Variants in UBE2E2 observed in about 807,000 individuals in gnomAD.
The protein encoded by UBE2E2 is ubiquitin conjugating enzyme E2 E2.
In UBE2E2, 6 loss-of-function variants were observed where a neutral mutation model predicts 24.7. The ratio of observed to expected loss-of-function variants is 0.24; its 90% CI spans 0.13 to 0.48. UBE2E2 has a LOEUF of 0.48. Ranked by LOEUF, UBE2E2 falls within the 20% of genes least tolerant of loss-of-function variation. The pLI, the probability that UBE2E2 is intolerant of heterozygous loss-of-function variation, is 0.99. For synonymous variants in UBE2E2, 104 were observed against 83.6 expected (o/e 1.24, Z -1.33); for missense variants, 169 against 245.0 (o/e 0.69, Z 2.07).
chr3:23,349,576 A>G (rs1342679711), intron 3 of UBE2E2, among the ~76,000 whole-genome samples: 1 of 152,158 alleles, frequency 6.6e-6, no homozygotes, highest in Non-Finnish European at 1.5e-5. Flanking sequence ...GCACCAGGAG[A>G]TTATATCCCA....
chr3:23,520,726 T>C (rs186248176), intron 4 of UBE2E2, among the ~76,000 whole-genome samples: 1 of 152,328 alleles, frequency 6.6e-6, no homozygotes, highest in East Asian at 1.9e-4. Context: ...CACTACAGCC[T>C]CATATTCCTG....
intron 2 of UBE2E2, among the ~76,000 whole-genome samples, chr3:23,216,045 C>T (rs989172348): frequency 2.0e-5 from 3 of 152,054 alleles, no homozygotes; most frequent in Admixed American, 1.3e-4. Flanking sequence ...TTTTACAGGA[C>T]GGAAAACTGA....
At chr3:23,264,736 A>G (rs1408862739) in intron 3 of UBE2E2, among the ~76,000 whole-genome samples, 2 of 152,214 alleles carry the variant, frequency 1.3e-5, no homozygotes, top group Admixed American at 6.5e-5. Context: ...TTTTGTATAT[A>G]CTTCAGAAAT....
chr3:23,464,465 A>G (rs1238946148), intron 3 of UBE2E2, among the ~76,000 whole-genome samples: 1 of 152,158 alleles, frequency 6.6e-6, no homozygotes, highest in African/African-American at 2.4e-5. Context: ...AATACAGGAT[A>G]CTATTCTAAA....
intron 3 of UBE2E2, chr3:23,323,503 C>T (rs759573500): frequency 1.1e-5 from 5 of 435,056 alleles, no homozygotes; most frequent in Non-Finnish European, 1.8e-5. Context: ...TTGTAATTCA[C>T]AACTTTTTCA....
intron 3 of UBE2E2, among the ~76,000 whole-genome samples, chr3:23,427,963 A>G (rs1209831459): frequency 6.6e-6 from 1 of 152,256 alleles, no homozygotes; most frequent in Non-Finnish European, 1.5e-5. Context: ...TGATTTGGCT[A>G]TTAAATAGTT....
chr3:23,492,963 GATAA>G (rs1699531029), intron 3 of UBE2E2, among the ~76,000 whole-genome samples: 1 of 151,868 alleles, frequency 6.6e-6, no homozygotes, highest in East Asian at 1.9e-4. Flanking sequence ...TTATTAAATA[GATAA>G]ATAGTAATTA....
chr3:23,321,441 A>G (rs1270236497), intron 3 of UBE2E2, among the ~76,000 whole-genome samples: 1 of 151,816 alleles, frequency 6.6e-6, no homozygotes, highest in Non-Finnish European at 1.5e-5. Context: ...CAAAACAGGC[A>G]TTGCCTGGCT....
At chr3:23,507,470 T>G (rs949391499) in intron 4 of UBE2E2, among the ~76,000 whole-genome samples, 1 of 152,220 alleles carries the variant, frequency 6.6e-6, no homozygotes, top group Non-Finnish European at 1.5e-5. Context: ...GGTGATTCAG[T>G]AGGCAGTCAA....
At chr3:23,269,358 A>G (rs1464270991) in intron 3 of UBE2E2, among the ~76,000 whole-genome samples, 1 of 152,230 alleles carries the variant, frequency 6.6e-6, no homozygotes, top group African/African-American at 2.4e-5. Flanking sequence ...TTTACAAGAG[A>G]AAAAACAAAC....
At chr3:23,306,598 A>G (rs1240123118) in intron 3 of UBE2E2, among the ~76,000 whole-genome samples, 4 of 152,198 alleles carry the variant, frequency 2.6e-5, no homozygotes, top group Non-Finnish European at 4.4e-5. Context: ...TTTATACTGC[A>G]AATGTCGATA....
intron 1 of UBE2E2, among the ~76,000 whole-genome samples, chr3:23,207,775 A>G (rs1696190600): frequency 1.3e-5 from 2 of 152,236 alleles, no homozygotes; most frequent in African/African-American, 2.4e-5. Context: ...AGCGCCTGGT[A>G]GAGAGTAGAC....
chr3:23,285,306 CTT>C (rs1205963040), intron 3 of UBE2E2, among the ~76,000 whole-genome samples: 9 of 152,180 alleles, frequency 5.9e-5, no homozygotes, highest in Admixed American at 5.9e-4. Flanking sequence ...GCTTCCAAAT[CTT>C]TGCTATCGTG....
intron 3 of UBE2E2, among the ~76,000 whole-genome samples, chr3:23,326,452 T>G (rs1694893635): frequency 1.3e-5 from 2 of 152,218 alleles, no homozygotes. Flanking sequence ...TTGAAAAATT[T>G]CTGAGTTTTT....
intron 4 of UBE2E2, among the ~76,000 whole-genome samples, chr3:23,514,278 G>A (rs141165610): frequency 8.9e-4 from 135 of 152,286 alleles, no homozygotes; most frequent in Admixed American, 7.3e-3. Flanking sequence ...TTGCTGTCAC[G>A]TCAACCTGAT....
chr3:23,344,700 T>A lies in UBE2E2; in HGVS notation c.227+127388T>A, dbSNP rs536928438. Among the ~76,000 whole-genome samples the A allele has an allele frequency of 1.4e-3, 210 of 150,906 alleles. 2 individuals carry two copies. Among genetic ancestry groups the A allele is most frequent in the East Asian group, 1.6e-3 (8 of 4,942 alleles). ...GAGACAAACCTTGTTTCAAAAAAAA[T>A]AATATATATATATACACATACACAC... On this transcript the variant is annotated intron_variant, in intron 3 of 5. Transcript: ENST00000396703.
Position 23,264,190 on chromosome 3 carries a change from C to A in UBE2E2, c.227+46878C>A, listed in dbSNP as rs369299866. On this transcript the variant is annotated intron_variant, in intron 3 of 5. Coordinates refer to ENST00000396703, the MANE Select transcript of UBE2E2 (RefSeq NM_152653.4). Reference sequence around the variant, plus strand: ...AGACTGCAAACCCTAGGAAGTCTTACCTTTGCTCCCTAATCTCTACAGAGG... The same window carrying A: ...AGACTGCAAACCCTAGGAAGTCTTAACTTTGCTCCCTAATCTCTACAGAGG... 3.3e-5 allele frequency among the ~76,000 whole-genome samples: 5 copies of A among 152,216 alleles called. No homozygotes were observed. The East Asian group carries it at 5.8e-4, about 18-fold the overall frequency.
upstream of UBE2E2, chr3:23,203,233 C>CCGGGGG (rs1313516296): frequency 1.0e-6 from 1 of 988,120 alleles, no homozygotes; most frequent in Non-Finnish European, 1.2e-6. Flanking sequence ...GCTGGAACGG[C>CCGGGGG]CGGGGGCGGC....
intron 3 of UBE2E2, among the ~76,000 whole-genome samples, chr3:23,468,192 T>C (rs548321086): frequency 6.6e-6 from 1 of 152,342 alleles, no homozygotes; most frequent in Admixed American, 6.5e-5. Context: ...CCTGCCCACC[T>C]CCTTTCCTGC....
Sources: allele counts gnomAD v4.1 joint callset (sites outside exome capture counted in the v4.1 genomes callset), GRCh38; gene constraint gnomAD v4.1.1; transcripts MANE v1.5; gene names NCBI Gene and HGNC (gene_info 2026-07-23, HGNC 2026-07-21).